Variants in MPDZ observed in about 807,000 individuals in gnomAD.
The protein encoded by MPDZ is multiple PDZ domain crumbs cell polarity complex component.
In MPDZ, 234 loss-of-function variants were observed where a neutral mutation model predicts 239.1. The observed-to-expected ratio is 0.98, with a 90% CI of 0.88 to 1.09. The LOEUF is 1.09. Ranked by LOEUF, MPDZ falls within the 50% of genes least tolerant of loss-of-function variation. MPDZ has a pLI of 0.00. For synonymous variants in MPDZ, 1,048 were observed against 881.3 expected (o/e 1.19, Z -3.35); for missense variants, 3,175 against 2,510.0 (o/e 1.26, Z -5.66).
chr9:13,140,053 T>G lies in MPDZ; in HGVS notation c.3937A>C (p.Thr1313Pro). 1 of 1,612,998 alleles carries G rather than the reference T, an allele frequency of 6.2e-7. No individual in the cohort carries two copies. Among genetic ancestry groups the G allele is most frequent in the Non-Finnish European group, 8.5e-7 (1 of 1,179,712 alleles). Reference protein sequence around the residue: ...SAFAEMGSDHTQSSASKISQD... With the variant: ...SAFAEMGSDHPQSSASKISQD... ...GAGATTTTGCTTGCAGATGACTGTG[T>G]GTGATCACTACCCATTTCGGCAAAG... The change falls in exon 28 of 47, where the codon ACA becomes CCA. Residue 1313 changes from threonine (T) to proline (P), a missense_variant. Coordinates refer to ENST00000319217, the MANE Select transcript of MPDZ (RefSeq NM_001378778.1).
chr9:13,273,535 A>T (rs1973489787), intron 1 of MPDZ, among the ~76,000 whole-genome samples: 1 of 152,198 alleles, frequency 6.6e-6, no homozygotes, highest in Admixed American at 6.5e-5. Flanking sequence ...TTATTCAAAT[A>T]ATTGCCATTC....
At chr9:13,127,181 G>T (rs1165526851) in intron 32 of MPDZ, among the ~76,000 whole-genome samples, 3 of 152,166 alleles carry the variant, frequency 2.0e-5, no homozygotes, top group East Asian at 1.9e-4. Context: ...TAACAACAGG[G>T]TCTAGCCCCT....
Position 13,213,097 on chromosome 9 carries a change from AT to A in MPDZ, c.1290+3676del, listed in dbSNP as rs561435770. Among the ~76,000 whole-genome samples the A allele has an allele frequency of 5.1e-4, 78 of 152,240 alleles. 1 individual carries two copies. The East Asian group carries it at 0.014, about 27-fold the overall frequency. ...CATAATTTCCTACTGCTTTTAGCAT[AT>A]TGAATATCAAACTAAAAAGAATGAG... On this transcript the variant is annotated intron_variant, in intron 10 of 46. Transcript: ENST00000319217.
intron 1 of MPDZ, among the ~76,000 whole-genome samples, chr9:13,263,346 A>G (rs1002016464): frequency 3.3e-5 from 5 of 151,592 alleles, no homozygotes; most frequent in Non-Finnish European, 5.9e-5. Context: ...GGCTAGGACT[A>G]GAGATGATTA....
intron 12 of MPDZ, among the ~76,000 whole-genome samples, chr9:13,204,330 G>A (rs1347841490): frequency 6.6e-6 from 1 of 152,162 alleles, no homozygotes; most frequent in African/African-American, 2.4e-5. Context: ...GCTCGCATCT[G>A]TAATCCCAGC....
intron 5 of MPDZ, 139 bp downstream of exon 5, chr9:13,223,432 G>T: frequency 1.1e-6 from 1 of 908,800 alleles, no homozygotes; most frequent in Non-Finnish European, 1.5e-6. Flanking sequence ...CAATGTTAAT[G>T]ACTTCTAAAA....
At chr9:13,272,763 G>A (rs1472385777) in intron 1 of MPDZ, among the ~76,000 whole-genome samples, 2 of 151,168 alleles carry the variant, frequency 1.3e-5, no homozygotes, top group Admixed American at 1.3e-4. Flanking sequence ...AGTGGATTCA[G>A]GCCTGACTTA....
At chr9:13,119,761 A>C (rs974080036) in intron 38 of MPDZ, 112 bp from the exon 39 acceptor site, 10 of 1,287,910 alleles carry the variant, frequency 7.8e-6, no homozygotes, top group Non-Finnish European at 1.1e-5. Flanking sequence ...TATGACTTTA[A>C]AAGTTTTGTT....
intron 24 of MPDZ, among the ~76,000 whole-genome samples, chr9:13,153,372 A>G (rs1211217869): frequency 1.3e-5 from 2 of 152,212 alleles, no homozygotes; most frequent in East Asian, 3.9e-4. Context: ...AATCCCATTC[A>G]TTGTTTTCTC....
At position 13,140,155 on chromosome 9, in the gene MPDZ, G is replaced by C; in HGVS notation, c.3841-6C>G. 1 of 1,611,344 alleles carries C rather than the reference G, an allele frequency of 6.2e-7. No homozygotes were observed. The highest frequency in any genetic ancestry group is 1.7e-4 in the Middle Eastern group (1 of 6,034). On this transcript the variant is annotated splice_region_variant and splice_polypyrimidine_tract_variant and intron_variant, in intron 27 of 46. Coordinates refer to ENST00000319217, the MANE Select transcript of MPDZ (RefSeq NM_001378778.1). ...GACTCTGACTGACTGGGTGCCTGTG[G>C]GAACAAAAAGAATGCAGTGGGTTTG...
intron 42 of MPDZ, among the ~76,000 whole-genome samples, chr9:13,112,607 G>T (rs1385979463): frequency 1.2e-4 from 19 of 152,340 alleles, no homozygotes. Flanking sequence ...GACATGAAGT[G>T]TCTATAAGAG....
Position 13,138,173 on chromosome 9 carries a change from C to A in MPDZ, c.4004-20G>T. 2 of 1,531,446 alleles carry A rather than the reference C, an allele frequency of 1.3e-6. No individual in the cohort carries two copies. Among genetic ancestry groups the A allele is most frequent in the South Asian group, 1.3e-5 (1 of 75,734 alleles). 94.9% of individuals were successfully genotyped at this position (1,531,446 alleles called of 1,614,324 possible). On this transcript the variant is annotated intron_variant, in intron 28 of 46. Coordinates refer to ENST00000319217, the MANE Select transcript of MPDZ (RefSeq NM_001378778.1). ...TATTTTCTACATACAACAACAACAA[C>A]AAATACATATTTACAGTTAATTTAC... is the stretch of plus-strand genomic sequence containing the variant.
intron 26 of MPDZ, among the ~76,000 whole-genome samples, chr9:13,145,971 TAACTTA>T (rs1249929841): frequency 2.0e-5 from 3 of 152,054 alleles, no homozygotes; most frequent in South Asian, 2.1e-4. Context: ...AAAATAGCTT[TAACTTA>T]AACACCCATT....
chr9:13,259,137 C>G (rs1712270099), intron 1 of MPDZ, among the ~76,000 whole-genome samples: 1 of 152,136 alleles, frequency 6.6e-6, no homozygotes, highest in African/African-American at 2.4e-5. Flanking sequence ...CATACAAAAT[C>G]ATTTTAGCTT....
Position 13,112,139 on chromosome 9 carries a change from G to C in MPDZ, c.5609C>G (p.Thr1870Ser). ...AGCGATGCTGATTCCCAGTGAGTCA[G>C]TAGGGCCCTGCCATGGAACAGATAT... is the stretch of plus-strand genomic sequence containing the variant. ...LRTVEMKKGP[T>S]DSLGISIAGG... is the part of the protein sequence containing the mutation. The change falls in exon 43 of 47, where the codon ACT (threonine) becomes AGT (serine). Residue 1870 changes from threonine (T) to serine (S), a missense_variant. Coordinates refer to ENST00000319217, the MANE Select transcript of MPDZ (RefSeq NM_001378778.1). 1 of 1,611,670 alleles carries C rather than the reference G, an allele frequency of 6.2e-7. No individual in the cohort carries two copies. Among genetic ancestry groups the C allele is most frequent in the Non-Finnish European group, 8.5e-7 (1 of 1,178,628 alleles).
At chr9:13,132,466 G>A (rs1946139876) in intron 32 of MPDZ, among the ~76,000 whole-genome samples, 1 of 152,096 alleles carries the variant, frequency 6.6e-6, no homozygotes, top group African/African-American at 2.4e-5. Flanking sequence ...TTCTGAGTAG[G>A]GGATTAAGAT....
chr9:13,176,536 TATTA>T, intron 19 of MPDZ, 119 bp from the exon 20 acceptor site: 1 of 901,334 alleles, frequency 1.1e-6, no homozygotes, highest in Non-Finnish European at 1.6e-6. Flanking sequence ...AACAATTATT[TATTA>T]CTCAAAAAGC....
rs762508950 is a variant in MPDZ at position 13,123,251 on chromosome 9, T to C, written c.4855A>G (p.Thr1619Ala). ...TCGCAGCCAGGGATAATGGGGCAGGTTGCAGGATCAGAAGCAAAAATTGCT... is the reference window on the plus strand; with the variant it reads ...TCGCAGCCAGGGATAATGGGGCAGGCTGCAGGATCAGAAGCAAAAATTGCT... ...TPAIFASDPA[T>A]CPIIPGCETT... Residue 1619 changes from threonine (T) to alanine (A), a missense_variant, in exon 36 of 47, where the codon ACC (threonine) becomes GCC (alanine). Transcript: ENST00000319217. The C allele has an allele frequency of 3.3e-5, 53 of 1,613,282 alleles. No homozygotes were observed. The highest frequency in any genetic ancestry group is 2.7e-5 in the African/African-American group (2 of 74,906).
intron 42 of MPDZ, among the ~76,000 whole-genome samples, chr9:13,112,381 T>C (rs1313992434): frequency 6.6e-6 from 1 of 152,190 alleles, no homozygotes; most frequent in Non-Finnish European, 1.5e-5. Context: ...GAAAATCATG[T>C]TGTGGAACTG....
Sources: gnomAD v4.1 joint callset for allele counts (sites outside exome capture counted in the v4.1 genomes callset) on GRCh38, gnomAD v4.1.1 for gene constraint, MANE v1.5 for transcripts, NCBI Gene and HGNC (gene_info 2026-07-23, HGNC 2026-07-21) for gene names.